NSUN3: variants seen among roughly 807,000 people sequenced by gnomAD.
NSUN3 encodes NOP2/Sun RNA methyltransferase 3.
In NSUN3, 24 loss-of-function variants were observed where a neutral mutation model predicts 36.8. The ratio of observed to expected loss-of-function variants is 0.65; its 90% CI spans 0.47 to 0.92. The LOEUF is 0.92. NSUN3 is among the 40% of genes least tolerant of loss of function. The probability of loss-of-function intolerance (pLI) is 0.00; values close to 1 mark genes in which losing one functional copy is unlikely to be tolerated. For missense variants in NSUN3, 381 were observed against 392.8 expected, an observed-to-expected ratio of 0.97 and a Z score of 0.25; for synonymous variants, 146 against 145.2, an observed-to-expected ratio of 1.01 and a Z score of -0.04.
chr3:94,117,840 G>C (rs2077446669), intron 5 of NSUN3, among the ~76,000 whole-genome samples: 1 of 152,104 alleles, frequency 6.6e-6, no homozygotes. Context: ...ATTTCAAGTA[G>C]GGTTTAAACC....
chr3:94,116,985 CTTTTTTTT>C (rs60234250), intron 5 of NSUN3, among the ~76,000 whole-genome samples: 5 of 64,004 alleles, frequency 7.8e-5, no homozygotes, highest in African/African-American at 2.0e-4. Flanking sequence ...TCTGCCACAA[CTTTTTTTT>C]TTTTTTTTTT....
intron 5 of NSUN3, among the ~76,000 whole-genome samples, chr3:94,103,742 T>C (rs1476475952): frequency 1.3e-5 from 2 of 152,086 alleles, no homozygotes; most frequent in African/African-American, 4.8e-5. Context: ...TATCTAAAAC[T>C]CTCCTTTCCT....
chr3:94,102,755 G>C (rs547407954), intron 5 of NSUN3, among the ~76,000 whole-genome samples: 2 of 152,012 alleles, frequency 1.3e-5, no homozygotes, highest in South Asian at 4.1e-4. Flanking sequence ...GCTATAATTT[G>C]TAACTATTAT....
intron 5 of NSUN3, among the ~76,000 whole-genome samples, chr3:94,121,060 A>G (rs370727887): frequency 6.6e-6 from 1 of 152,194 alleles, no homozygotes; most frequent in Non-Finnish European, 1.5e-5. Flanking sequence ...GTTGTTTCCT[A>G]TTGCTGCTGT....
At chr3:94,073,634 A>G (rs940928396) in intron 2 of NSUN3, among the ~76,000 whole-genome samples, 2 of 152,030 alleles carry the variant, frequency 1.3e-5, no homozygotes, top group East Asian at 3.9e-4. Flanking sequence ...TCCTTTGCTC[A>G]CTTTTTGATG....
chr3:94,121,821 G>A (rs2077463336), intron 5 of NSUN3, among the ~76,000 whole-genome samples: 1 of 152,106 alleles, frequency 6.6e-6, no homozygotes, highest in Non-Finnish European at 1.5e-5. Context: ...TTCTAGAGAG[G>A]TTATCCCTTA....
At chr3:94,083,969 G>C (rs2077281656) in intron 2 of NSUN3, 138 bp from the exon 3 acceptor site, 3 of 647,832 alleles carry the variant, frequency 4.6e-6, no homozygotes, top group South Asian at 2.0e-5. Flanking sequence ...GGAAGAGTCA[G>C]GAATACTGAT....
chr3:94,107,631 A>G (rs1445149626), intron 5 of NSUN3, among the ~76,000 whole-genome samples: 17 of 151,904 alleles, frequency 1.1e-4, no homozygotes, highest in Admixed American at 1.1e-3. Context: ...CAGACAGTCT[A>G]CTGTCTCCTG....
At chr3:94,089,975 TA>T (rs2077307828) in intron 3 of NSUN3, among the ~76,000 whole-genome samples, 1 of 152,148 alleles carries the variant, frequency 6.6e-6, no homozygotes, top group Non-Finnish European at 1.5e-5. Flanking sequence ...ATTCCAATTA[TA>T]ATATTGAGAG....
At chr3:94,124,623 C>T (rs1315957478) in intron 5 of NSUN3, among the ~76,000 whole-genome samples, 1 of 152,016 alleles carries the variant, frequency 6.6e-6, no homozygotes, top group Admixed American at 6.6e-5. Context: ...TCCATTAGGG[C>T]CCACTTTAAT....
At chr3:94,092,919 C>CAAAAAAAAAAAAAAAAAAAAAAAAAA (rs1161530879) in intron 3 of NSUN3, among the ~76,000 whole-genome samples, 1 of 24,638 alleles carries the variant, frequency 4.1e-5, no homozygotes, top group Admixed American at 7.7e-4. Context: ...GACTGCATCT[C>CAAAAAAAAAAAAAAAAAAAAAAAAAA]AAAAAAAAAA....
At chr3:94,102,409 A>T (rs370336933) in intron 5 of NSUN3, among the ~76,000 whole-genome samples, 1 of 152,102 alleles carries the variant, frequency 6.6e-6, no homozygotes, top group African/African-American at 2.4e-5. Context: ...TCAGCTATGT[A>T]TATGTTTTCT....
intron 1 of NSUN3, chr3:94,063,760 G>A (rs1419488279): frequency 2.6e-5 from 4 of 152,490 alleles, no homozygotes; most frequent in Non-Finnish European, 5.8e-5. Context: ...TAGGACTACA[G>A]GAGCAGGCCA....
chr3:94,101,780 A>C (rs1266004254), intron 5 of NSUN3, among the ~76,000 whole-genome samples: 2 of 152,160 alleles, frequency 1.3e-5, no homozygotes, highest in African/African-American at 4.8e-5. Context: ...TATATAATCA[A>C]ATTCTTTTGC....
intron 2 of NSUN3, among the ~76,000 whole-genome samples, chr3:94,067,664 T>G (rs1347286299): frequency 6.6e-6 from 1 of 152,242 alleles, no homozygotes; most frequent in Non-Finnish European, 1.5e-5. Flanking sequence ...TATGTACCAG[T>G]CAATGTTGTA....
At chr3:94,108,078 T>A (rs2077398206) in intron 5 of NSUN3, among the ~76,000 whole-genome samples, 1 of 151,614 alleles carries the variant, frequency 6.6e-6, no homozygotes, top group Non-Finnish European at 1.5e-5. Flanking sequence ...ACTCAGAATT[T>A]TTTTTGATAA....
Position 94,126,934 on chromosome 3 carries a change from G to A in NSUN3, c.*444G>A, listed in dbSNP as rs1309845987. 1 of 155,812 alleles carries A rather than the reference G, an allele frequency of 6.4e-6. No individual in the cohort carries two copies. The highest frequency in any genetic ancestry group is 2.4e-5 in the African/African-American group (1 of 41,274). The allele number at this position is 155,812 out of a possible 1,614,324, so 9.7% of individuals were successfully genotyped here. On this transcript the variant is annotated 3_prime_UTR_variant, in exon 6 of 6. Transcript: ENST00000314622. Reference sequence around the variant, plus strand: ...TTCCCCCCAACTTTTGTAACTGATTGTCTCAGAACTGATTGGTATTCTGAG... The same window carrying A: ...TTCCCCCCAACTTTTGTAACTGATTATCTCAGAACTGATTGGTATTCTGAG...
chr3:94,078,670 T>C (rs759226957), intron 2 of NSUN3, among the ~76,000 whole-genome samples: 1 of 152,224 alleles, frequency 6.6e-6, no homozygotes, highest in Non-Finnish European at 1.5e-5. Flanking sequence ...CTTGTTGCAT[T>C]GATCCCTTTA....
chr3:94,110,787 CAT>C (rs1374173677), intron 5 of NSUN3, among the ~76,000 whole-genome samples: 3 of 151,698 alleles, frequency 2.0e-5, no homozygotes, highest in Non-Finnish European at 2.9e-5. Context: ...TATACACACA[CAT>C]ATATATGTAT....
Sources: allele counts gnomAD v4.1 joint callset (sites outside exome capture counted in the v4.1 genomes callset), GRCh38; gene constraint gnomAD v4.1.1; transcripts MANE v1.5; gene names NCBI Gene and HGNC (gene_info 2026-07-23, HGNC 2026-07-21).